The following CCNB3 variants were observed in gnomAD, a reference collection of about 807,000 sequenced individuals.
The protein encoded by CCNB3 is G2/mitotic-specific cyclin-B3.
Under a neutral mutation model 68.0 loss-of-function variants are expected in CCNB3, and 12 were observed. The observed-to-expected ratio is 0.18, with a 90% confidence interval of 0.11 to 0.29. The LOEUF (loss-of-function observed/expected upper bound fraction) is 0.29. Ranked by LOEUF, CCNB3 falls within the 10% of genes least tolerant of loss-of-function variation. The probability of loss-of-function intolerance (pLI) is 1.00; values close to 1 mark genes in which losing one functional copy is unlikely to be tolerated. For missense variants in CCNB3, 904 were observed against 993.1 expected (o/e 0.91, Z 1.21); for synonymous variants, 354 against 388.9 (o/e 0.91, Z 1.06).
chrX:50,209,259 T>C (rs1214403275), intron 1 of CCNB3, among the ~76,000 whole-genome samples: 1 of 111,906 alleles, frequency 8.9e-6, no homozygotes, highest in Non-Finnish European at 1.9e-5. Context: ...TTTCCTTGTG[T>C]CCCCTTGTTG....
intron 4 of CCNB3, among the ~76,000 whole-genome samples, chrX:50,292,605 C>A (rs1557210255): frequency 9.0e-6 from 1 of 111,136 alleles, no homozygotes; most frequent in Non-Finnish European, 1.9e-5. Flanking sequence ...TTTTCTCTTG[C>A]AACTAGTAAG....
intron 5 of CCNB3, among the ~76,000 whole-genome samples, chrX:50,305,342 C>T (rs1341898192): frequency 9.0e-6 from 1 of 111,607 alleles, no homozygotes; most frequent in Non-Finnish European, 1.9e-5. Context: ...ATGATGAGTT[C>T]ATGTCCTTTG....
chrX:50,346,775 A>G lies in CCNB3; in HGVS notation c.3778A>G (p.Ile1260Val). Reference protein sequence around the residue: ...NVLKCDINIPIAYHFLRRYAR... With the variant: ...NVLKCDINIPVAYHFLRRYAR... ...CCTCAAATGTGACATTAACATTCCCATCGCCTACCATTTTCTGCGCAGATA... is the reference window on the plus strand; with the variant it reads ...CCTCAAATGTGACATTAACATTCCCGTCGCCTACCATTTTCTGCGCAGATA... The change falls in exon 10 of 13, where the codon ATC becomes GTC. Residue 1260 changes from isoleucine to valine, a missense_variant. Transcript: ENST00000376042. The G allele has an allele frequency of 8.3e-7, 1 of 1,211,330 alleles. No homozygotes were observed. Among genetic ancestry groups the G allele is most frequent in the East Asian group, 3.0e-5 (1 of 33,830 alleles).
At chrX:50,319,524 A>G (rs1921908938) in intron 8 of CCNB3, among the ~76,000 whole-genome samples, 1 of 111,471 alleles carries the variant, frequency 9.0e-6, no homozygotes, top group Non-Finnish European at 1.9e-5. Context: ...TCTTGGGGTT[A>G]TCTACATAGA....
intron 4 of CCNB3, among the ~76,000 whole-genome samples, chrX:50,289,936 A>G (rs963865726): frequency 2.7e-5 from 3 of 111,889 alleles, no homozygotes; most frequent in Non-Finnish European, 5.6e-5. Context: ...TCTCTTCCCT[A>G]TACAGATTAC....
At chrX:50,339,618 G>A (rs1557219274) in intron 8 of CCNB3, among the ~76,000 whole-genome samples, 1 of 111,710 alleles carries the variant, frequency 9.0e-6, no homozygotes, top group African/African-American at 3.3e-5. Flanking sequence ...GGTAAACATA[G>A]CGAGATCCTG....
rs1242982995 is a variant in CCNB3 at position 50,312,735 on chromosome X, AAAT to A, written c.3423+111_3423+113del. 3.3e-5 allele frequency: 17 copies of A among 515,119 alleles called. No individual in the cohort carries two copies. The African/African-American group carries it at 3.8e-4, about 12-fold the overall frequency. The allele number at this position is 515,119 out of a possible 1,213,427, so 42.5% of individuals were successfully genotyped here. On this transcript the variant is annotated intron_variant, in intron 7 of 12. Transcript: ENST00000376042. ...AAAGGGGTGGTAATAATGATGATAA[AAAT>A]AATAATAGCAACAACTAACATATTG... is the stretch of plus-strand genomic sequence containing the variant.
chrX:50,316,910 G>A (rs1258123047), intron 8 of CCNB3, among the ~76,000 whole-genome samples: 16 of 112,347 alleles, frequency 1.4e-4, no homozygotes, highest in Admixed American at 1.4e-3. Context: ...GTACATTAAT[G>A]TACAGGTTTT....
At position 50,307,461 on chromosome X, in the gene CCNB3, A is replaced by G. The variant is rs1290639745; in HGVS notation, c.336-1044A>G. ...TGCATGTTCTTACCATAGCTAGACT[A>G]TCTAAAGATCTTCTCTAAAAGTTAT... On this transcript the variant is annotated intron_variant, in intron 5 of 12. Transcript: ENST00000376042. 9.9e-5 allele frequency among the ~76,000 whole-genome samples: 11 copies of G among 111,439 alleles called. No individual in the cohort carries two copies. In the Admixed American group the frequency reaches 1.1e-3, roughly 11 times the overall value.
At chrX:50,350,308 T>C (rs1923610038) in intron 11 of CCNB3, among the ~76,000 whole-genome samples, 2 of 109,741 alleles carry the variant, frequency 1.8e-5, no homozygotes, top group Non-Finnish European at 3.8e-5. Context: ...GGAATTACCG[T>C]AATAATCCCC....
In CCNB3 at chrX:50,310,611, T is replaced by C; in HGVS notation, c.2442T>C (p.Ala814=). ...AGGAGCCCAGCATTGAGAAGGAAGC[T>C]GTCCTCAAGGAGCCCACTATTGACA... ...MQEEPSIEKE[A]VLKEPTIDTE... is the part of the protein sequence containing the mutation. The change falls in exon 6 of 13, where the codon GCT becomes GCC. Residue 814 remains alanine (A), a synonymous_variant. Transcript: ENST00000376042. 1 of 1,210,361 alleles carries C rather than the reference T, an allele frequency of 8.3e-7. No homozygotes were observed.
Position 50,281,117 on chromosome X carries a change from C to T in CCNB3, c.-112-3425C>T, listed in dbSNP as rs1336713271. ...CCCTGCGTGTCAGCCCAGCCTGGTC[C>T]AACCAATTATACCAGAAACAACACC... On this transcript the variant is annotated intron_variant, in intron 1 of 12. Coordinates refer to ENST00000376042, the MANE Select transcript of CCNB3 (RefSeq NM_033031.3). Among the ~76,000 whole-genome samples, 6 of 110,876 alleles carry T rather than the reference C, an allele frequency of 5.4e-5. No individual in the cohort carries two copies. In the Admixed American group the frequency reaches 5.8e-4, roughly 11 times the overall value.
chrX:50,303,651 T>C (rs939074739), intron 5 of CCNB3, among the ~76,000 whole-genome samples: 1 of 111,284 alleles, frequency 9.0e-6, no homozygotes, highest in East Asian at 2.8e-4. Flanking sequence ...TTTAATTTTA[T>C]TTTTAATTGA....
intron 1 of CCNB3, among the ~76,000 whole-genome samples, chrX:50,219,362 T>C (rs1935634186): frequency 9.0e-6 from 1 of 111,695 alleles, no homozygotes; most frequent in African/African-American, 3.3e-5. Flanking sequence ...ATGTCCTGAA[T>C]GGTATTGCCT....
intron 5 of CCNB3, among the ~76,000 whole-genome samples, chrX:50,298,412 C>G (rs1936530699): frequency 9.0e-6 from 1 of 111,670 alleles, no homozygotes; most frequent in Non-Finnish European, 1.9e-5. Flanking sequence ...GTCTTTGGTT[C>G]TGTTTAAATG....
chrX:50,226,891 A>T (rs1401379674), intron 1 of CCNB3, among the ~76,000 whole-genome samples: 4 of 72,810 alleles, frequency 5.5e-5, no homozygotes, highest in Non-Finnish European at 7.0e-5. Flanking sequence ...TAGAATATAT[A>T]GTATATATAT....
chrX:50,281,364 T>C (rs1936133637), intron 1 of CCNB3, among the ~76,000 whole-genome samples: 1 of 109,491 alleles, frequency 9.1e-6, no homozygotes, highest in Non-Finnish European at 1.9e-5. Context: ...AGTAAGGAGC[T>C]CCGTTCATTT....
chrX:50,221,447 G>A (rs1352752441), intron 1 of CCNB3, among the ~76,000 whole-genome samples: 1 of 111,653 alleles, frequency 9.0e-6, no homozygotes, highest in African/African-American at 3.3e-5. Flanking sequence ...TGCTTTAGCT[G>A]TGTCCCAGAG....
chrX:50,336,354 GC>G (rs61676408), intron 8 of CCNB3, among the ~76,000 whole-genome samples: 2,167 of 111,983 alleles, frequency 0.019, 42 homozygotes, highest in African/African-American at 0.065. Context: ...AATGGCCGCA[GC>G]CAGTAAGTCG....
Sources: allele counts gnomAD v4.1 joint callset (sites outside exome capture counted in the v4.1 genomes callset), GRCh38; gene constraint gnomAD v4.1.1; transcripts MANE v1.5; gene names NCBI Gene and HGNC (gene_info 2026-07-23, HGNC 2026-07-21).